SULF1: variants seen among roughly 807,000 people sequenced by gnomAD.
The protein encoded by SULF1 is sulfatase 1.
Under a neutral mutation model 110.5 loss-of-function variants are expected in SULF1, and 46 were observed. The observed-to-expected ratio is 0.42, with a 90% CI of 0.33 to 0.53. The LOEUF (loss-of-function observed/expected upper bound fraction) is 0.53, where lower values mean the gene tolerates loss of function less well. Ranked by LOEUF, SULF1 falls within the 20% of genes least tolerant of loss-of-function variation. The probability of loss-of-function intolerance (pLI) is 0.12; values close to 1 mark genes in which losing one functional copy is unlikely to be tolerated. For missense variants in SULF1, 941 were observed against 1,094.2 expected, an observed-to-expected ratio of 0.86 and a Z score of 1.98; for synonymous variants, 371 against 387.1, an observed-to-expected ratio of 0.96 and a Z score of 0.49.
intron 6 of SULF1, among the ~76,000 whole-genome samples, chr8:69,579,570 A>C (rs1043345316): frequency 5.9e-5 from 9 of 151,940 alleles, no homozygotes; most frequent in Non-Finnish European, 1.2e-4. Context: ...CACACAAAAA[A>C]AAAAAAAAAT....
chr8:69,543,366 T>C (rs549385890), intron 3 of SULF1, among the ~76,000 whole-genome samples: 1 of 152,140 alleles, frequency 6.6e-6, no homozygotes, highest in Non-Finnish European at 1.5e-5. Flanking sequence ...CCTAATGCTC[T>C]CCCCAACCCC....
At chr8:69,645,209 C>T (rs1019299859) in intron 22 of SULF1, among the ~76,000 whole-genome samples, 3 of 152,086 alleles carry the variant, frequency 2.0e-5, no homozygotes, top group Non-Finnish European at 4.4e-5. Context: ...ACAGTGGCCA[C>T]CCTGGTAAGG....
At chr8:69,578,060 T>A (rs1332255698) in intron 6 of SULF1, among the ~76,000 whole-genome samples, 1 of 151,902 alleles carries the variant, frequency 6.6e-6, no homozygotes, top group Non-Finnish European at 1.5e-5. Context: ...AAAGGTGGAA[T>A]ATTTAGAACT....
At chr8:69,642,054 C>T (rs1247313749) in intron 22 of SULF1, among the ~76,000 whole-genome samples, 1 of 152,162 alleles carries the variant, frequency 6.6e-6, no homozygotes, top group African/African-American at 2.4e-5. Context: ...ACAGACGTTA[C>T]CAGTACCCTA....
upstream of SULF1, among the ~76,000 whole-genome samples, chr8:69,489,854 G>A (rs1017064655): frequency 4.0e-5 from 6 of 151,832 alleles, no homozygotes; most frequent in Admixed American, 1.3e-4. Flanking sequence ...CCCGCCTTCC[G>A]TTTTTCAAGA....
chr8:69,600,261 CT>C (rs1000359214), intron 8 of SULF1, among the ~76,000 whole-genome samples: 1 of 151,986 alleles, frequency 6.6e-6, no homozygotes, highest in African/African-American at 2.4e-5. Context: ...TCCCTTGTAC[CT>C]TACCGAGACT....
At chr8:69,565,125 T>C (rs1242150530) in intron 5 of SULF1, among the ~76,000 whole-genome samples, 1 of 152,100 alleles carries the variant, frequency 6.6e-6, no homozygotes, top group Non-Finnish European at 1.5e-5. Flanking sequence ...GACGGTGAGA[T>C]CCCAGTAAAG....
intron 14 of SULF1, among the ~76,000 whole-genome samples, chr8:69,621,850 T>TG (rs1437269979): frequency 6.6e-6 from 1 of 152,238 alleles, no homozygotes; most frequent in Non-Finnish European, 1.5e-5. Context: ...ATTATATAAA[T>TG]GTGAAAATCC....
At chr8:69,541,168 A>G (rs79125509) in intron 3 of SULF1, among the ~76,000 whole-genome samples, 2,981 of 152,244 alleles carry the variant, frequency 0.02, 84 homozygotes, top group African/African-American at 0.065. Context: ...AGGCCTATAT[A>G]TTAATTTCCC....
rs1810050334 is a variant in SULF1, at chr8:69,493,127, T to A, written c.-391+2T>A. On this transcript the variant is annotated splice_donor_variant, in intron 1 of 22. Coordinates refer to ENST00000402687, the MANE Select transcript of SULF1 (RefSeq NM_001128205.2). LOFTEE classifies it low-confidence loss of function (5UTR_SPLICE). ...GAGAAGATTTTGAAGGCGGCTTTTG[T>A]AAGTATCGTGCTCTGCTTTTACTTT... The A allele has an allele frequency of 6.6e-6, 1 of 152,664 alleles. No homozygotes were observed. Among genetic ancestry groups the A allele is most frequent in the Non-Finnish European group, 1.5e-5 (1 of 68,050 alleles). The allele number at this position is 152,664 out of a possible 1,614,324, so 9.5% of individuals were successfully genotyped here. A position where few individuals can be genotyped will look rare whatever the true frequency, so the allele number is the denominator to read the frequency against.
intron 3 of SULF1, among the ~76,000 whole-genome samples, chr8:69,539,526 A>T (rs1205692716): frequency 6.6e-6 from 1 of 152,202 alleles, no homozygotes; most frequent in African/African-American, 2.4e-5. Flanking sequence ...AATATTTTAC[A>T]TTTGAGTTGA....
intron 1 of SULF1, among the ~76,000 whole-genome samples, chr8:69,480,982 A>G (rs1347178768): frequency 6.6e-6 from 1 of 152,042 alleles, no homozygotes; most frequent in African/African-American, 2.4e-5. Flanking sequence ...GCACATGTAT[A>G]CATATGTAAC....
intron 1 of SULF1, 84 bp downstream of exon 1, chr8:69,493,209 C>T (rs541605216): frequency 6.6e-6 from 1 of 152,602 alleles, no homozygotes; most frequent in Non-Finnish European, 1.5e-5. Context: ...ATTATTTATT[C>T]ATTATTCATC....
intron 3 of SULF1, among the ~76,000 whole-genome samples, chr8:69,527,119 C>CT (rs1442921013): frequency 2.0e-5 from 3 of 152,100 alleles, no homozygotes; most frequent in African/African-American, 7.2e-5. Flanking sequence ...TGATAGCTCT[C>CT]TATCTGCTTT....
At chr8:69,490,582 C>T (rs1809894954), upstream of SULF1, among the ~76,000 whole-genome samples, 1 of 152,182 alleles carries the variant, frequency 6.6e-6, no homozygotes, top group Non-Finnish European at 1.5e-5. Flanking sequence ...CGTCCCCTTC[C>T]CACACACTGC....
intron 22 of SULF1, among the ~76,000 whole-genome samples, chr8:69,643,621 G>A (rs548184394): frequency 2.6e-5 from 4 of 152,168 alleles, no homozygotes; most frequent in Non-Finnish European, 5.9e-5. Context: ...GACTTATTTA[G>A]AGGGTTTTCA....
intron 16 of SULF1, 76 bp from the exon 17 acceptor site, chr8:69,627,696 A>G (rs1235332836): frequency 3.1e-6 from 3 of 974,724 alleles, no homozygotes; most frequent in Admixed American, 4.2e-5. Context: ...AACAGAGAAA[A>G]CAAGGTGAAA....
At chr8:69,606,924 C>T (rs1260182523) in intron 13 of SULF1, among the ~76,000 whole-genome samples, 1 of 152,194 alleles carries the variant, frequency 6.6e-6, no homozygotes, top group Non-Finnish European at 1.5e-5. Context: ...AAGAATTAGG[C>T]TATGCCCTGA....
At chr8:69,564,947 C>T (rs1815759704) in intron 5 of SULF1, among the ~76,000 whole-genome samples, 1 of 152,194 alleles carries the variant, frequency 6.6e-6, no homozygotes, top group Non-Finnish European at 1.5e-5. Context: ...CAGGCATCAC[C>T]CAGCTGTGCT....
Sources: allele counts gnomAD v4.1 joint callset (sites outside exome capture counted in the v4.1 genomes callset), GRCh38; gene constraint gnomAD v4.1.1; transcripts MANE v1.5; gene names NCBI Gene and HGNC (gene_info 2026-07-23, HGNC 2026-07-21).